SMARCAD1: variants seen among roughly 807,000 people sequenced by gnomAD.
SMARCAD1 encodes SWI/SNF-related matrix-associated actin-dependent regulator of chromatin subfamily A containing DEAD/H box 1.
SMARCAD1 carries 25 observed loss-of-function variants against 127.1 expected under a neutral mutation model. The observed-to-expected ratio is 0.20, with a 90% confidence interval of 0.14 to 0.27. SMARCAD1 has a LOEUF of 0.27. Ranked by LOEUF, SMARCAD1 falls within the 10% of genes least tolerant of loss-of-function variation. The pLI is 1.00. For missense variants in SMARCAD1, 807 were observed against 1,206.0 expected (o/e 0.67, Z 4.90); for synonymous variants, 400 against 396.9 (o/e 1.01, Z -0.09).
At position 94,279,067 on chromosome 4, in the gene SMARCAD1, A is replaced by C. The variant is rs372823947; in HGVS notation, c.2418+17A>C. Reference sequence around the variant, plus strand: ...ATGCTAAAGGTAAGGATTTCATATTATGTTAACACTAAGCTTTAATAAGAG... The same window carrying C: ...ATGCTAAAGGTAAGGATTTCATATTCTGTTAACACTAAGCTTTAATAAGAG... On this transcript the variant is annotated intron_variant, in intron 19 of 23. Coordinates refer to ENST00000354268, the MANE Select transcript of SMARCAD1 (RefSeq NM_020159.5). 2 of 1,613,920 alleles carry C rather than the reference A, an allele frequency of 1.2e-6. No homozygotes were observed. The highest frequency in any genetic ancestry group is 4.5e-5 in the East Asian group (2 of 44,844).
intron 20 of SMARCAD1, 70 bp downstream of exon 20, chr4:94,280,850 C>A: frequency 7.1e-7 from 1 of 1,412,292 alleles, no homozygotes; most frequent in Non-Finnish European, 1.0e-6. Flanking sequence ...AATTCTGGCA[C>A]ACTGACTTGC....
At chr4:94,240,095 G>A (rs564147166) in intron 5 of SMARCAD1, among the ~76,000 whole-genome samples, 1 of 152,066 alleles carries the variant, frequency 6.6e-6, no homozygotes, top group African/African-American at 2.4e-5. Context: ...GTATGTATTT[G>A]AGCTGCATAG....
intron 7 of SMARCAD1, among the ~76,000 whole-genome samples, chr4:94,250,010 A>G (rs1749044673): frequency 6.6e-6 from 1 of 151,712 alleles, no homozygotes; most frequent in Non-Finnish European, 1.5e-5. Context: ...GAACTCATTT[A>G]TAACATGTAA....
chr4:94,281,614 CA>C lies in SMARCAD1; in HGVS notation c.2726+31del, dbSNP rs749395989. ...AGGTTGGTATAATTCATGTTAGTTA[CA>C]AAAAAATAACTCATTTATTATTATT... On this transcript the variant is annotated intron_variant, in intron 21 of 23. Transcript: ENST00000354268. 3.1e-5 allele frequency: 42 copies of C among 1,350,316 alleles called. No individual in the cohort carries two copies. In the South Asian group the frequency reaches 3.3e-4, roughly 11 times the overall value. The allele number at this position is 1,350,316 out of a possible 1,614,324, so 83.6% of individuals were successfully genotyped here.
At position 94,281,441 on chromosome 4, in the gene SMARCAD1, C is replaced by G. The variant is rs1171986138; in HGVS notation, c.2608-31C>G. ...GCTTTGAGTAGTAAAACGATTTTTT[C>G]TATTTCTAATTCATGTATGTATTTT... is the stretch of plus-strand genomic sequence containing the variant. On this transcript the variant is annotated intron_variant, in intron 20 of 23. Coordinates refer to ENST00000354268, the MANE Select transcript of SMARCAD1 (RefSeq NM_020159.5). The G allele has an allele frequency of 2.7e-6, 4 of 1,457,082 alleles. No individual in the cohort carries two copies. In the African/African-American group the frequency reaches 5.6e-5, roughly 20 times the overall value. The allele number at this position is 1,457,082 out of a possible 1,614,324, so 90.3% of individuals were successfully genotyped here. A position where few individuals can be genotyped will look rare whatever the true frequency, so the allele number is the denominator to read the frequency against.
In SMARCAD1 at chr4:94,290,034, A is replaced by G. The variant is rs777220490; in HGVS notation, c.*500A>G. 2.2e-5 allele frequency: 10 copies of G among 454,312 alleles called. No homozygotes were observed. The highest frequency in any genetic ancestry group is 1.2e-4 in the African/African-American group (6 of 49,976). 28.1% of individuals were successfully genotyped at this position (454,312 alleles called of 1,614,324 possible). ...ATTATATAGCTTTCATTTTATTGCT[A>G]TTTGAAGCAGATGTTCACCAATGTC... is the stretch of plus-strand genomic sequence containing the variant. On this transcript the variant is annotated 3_prime_UTR_variant, in exon 24 of 24. Transcript: ENST00000354268.
rs753401867 is a variant in SMARCAD1 at position 94,285,723 on chromosome 4, T to TGA, written c.3019+654_3019+655insGA. ...ATTACTAGTCTTTCTTGCGTAGCATTTATTTCAGGGTGCTGTGGAAGCTTG... is the reference window on the plus strand; with the variant it reads ...ATTACTAGTCTTTCTTGCGTAGCATTGATATTTCAGGGTGCTGTGGAAGCTTG... On this transcript the variant is annotated intron_variant, in intron 23 of 23. Coordinates refer to ENST00000354268, the MANE Select transcript of SMARCAD1 (RefSeq NM_020159.5). 2.6e-5 allele frequency among the ~76,000 whole-genome samples: 4 copies of TGA among 152,296 alleles called. No individual in the cohort carries two copies. The South Asian group carries it at 6.2e-4, about 24-fold the overall frequency.
At chr4:94,229,945 T>C (rs1175870139) in intron 3 of SMARCAD1, among the ~76,000 whole-genome samples, 1 of 152,034 alleles carries the variant, frequency 6.6e-6, no homozygotes, top group Non-Finnish European at 1.5e-5. Context: ...TACTAATCTG[T>C]TCAGTCATCA....
At chr4:94,248,925 G>A (rs1186305100) in intron 6 of SMARCAD1, among the ~76,000 whole-genome samples, 1 of 152,166 alleles carries the variant, frequency 6.6e-6, no homozygotes, top group African/African-American at 2.4e-5. Flanking sequence ...TGTATAGCAT[G>A]TGGTGCAGTT....
chr4:94,251,035 A>G (rs936006340), intron 8 of SMARCAD1, among the ~76,000 whole-genome samples: 1 of 152,204 alleles, frequency 6.6e-6, no homozygotes, highest in African/African-American at 2.4e-5. Context: ...TCATAGTGTA[A>G]AACAAAACAA....
In SMARCAD1 at chr4:94,291,170, CTTT is replaced by C. The variant is rs1168712792; in HGVS notation, c.*1641_*1643del. 11 of 453,278 alleles carry C rather than the reference CTTT, an allele frequency of 2.4e-5. No homozygotes were observed. In the Admixed American group the frequency reaches 2.6e-4, roughly 11 times the overall value. The allele number at this position is 453,278 out of a possible 1,614,324, so 28.1% of individuals were successfully genotyped here. A position where few individuals can be genotyped will look rare whatever the true frequency, so the allele number is the denominator to read the frequency against. ...ATGTATTTTCAATGATAGGCTGTTTCTTTTTTTGTTGTTATTGTTGTTGTTGTT... is the reference window on the plus strand; with the variant it reads ...ATGTATTTTCAATGATAGGCTGTTTCTTTTGTTGTTATTGTTGTTGTTGTT... On this transcript the variant is annotated 3_prime_UTR_variant, in exon 24 of 24. Transcript: ENST00000354268.
chr4:94,248,347 A>G, intron 6 of SMARCAD1: 2 of 384,142 alleles, frequency 5.2e-6, no homozygotes, highest in South Asian at 3.8e-5. Flanking sequence ...ATATTAACAA[A>G]TGAACAACTG....
intron 2 of SMARCAD1, among the ~76,000 whole-genome samples, chr4:94,223,895 T>A (rs1744587152): frequency 6.6e-6 from 1 of 152,104 alleles, no homozygotes; most frequent in Non-Finnish European, 1.5e-5. Flanking sequence ...ATAGTCTTCC[T>A]GAAGTGTCAG....
rs200181471 is a variant in SMARCAD1 at position 94,252,757 on chromosome 4, G to A, written c.1031G>A (p.Arg344His). The A allele has an allele frequency of 5.5e-4, 878 of 1,609,030 alleles. No individual in the cohort carries two copies. The highest frequency in any genetic ancestry group is 6.7e-4 in the Non-Finnish European group (791 of 1,178,700). Residue 344 changes from arginine to histidine, a missense_variant, in exon 9 of 24, where the codon CGT (arginine) becomes CAT (histidine). Physicochemically the swap from Arg to His is conservative, Grantham distance 29. Transcript: ENST00000354268. ...GCACAAAATGGCTTTAACAAGAAAC[G>A]TAAAAAAAATGTTTTTAATCCAAAG... ...MKAQNGFNKK[R>H]KKNVFNPKRV...
intron 10 of SMARCAD1, among the ~76,000 whole-genome samples, chr4:94,268,711 T>A (rs918026290): frequency 6.6e-6 from 1 of 152,206 alleles, no homozygotes; most frequent in African/African-American, 2.4e-5. Context: ...TTGGGCAAGT[T>A]ACTTAACTTC....
At chr4:94,283,053 T>C (rs1305151532) in intron 21 of SMARCAD1, 68 bp from the exon 22 acceptor site, 19 of 1,325,518 alleles carry the variant, frequency 1.4e-5, no homozygotes, top group African/African-American at 1.3e-4. Context: ...GTGATAATGA[T>C]TGTTTTCCAT....
intron 5 of SMARCAD1, among the ~76,000 whole-genome samples, chr4:94,240,352 C>G (rs1188161010): frequency 6.6e-6 from 1 of 152,196 alleles, no homozygotes. Context: ...GTTATATTCT[C>G]TTGTTTTTAC....
At chr4:94,278,586 GATT>G (rs753395659) in intron 17 of SMARCAD1, 27 bp from the exon 18 acceptor site, 1 of 1,612,056 alleles carries the variant, frequency 6.2e-7, no homozygotes, top group Non-Finnish European at 8.5e-7. Context: ...TTACTAGAAT[GATT>G]ATCTTAAACT....
In SMARCAD1 at chr4:94,283,299, A is replaced by G. The variant is rs150777961; in HGVS notation, c.2905A>G (p.Thr969Ala). ...AEDRCHRVGQTKEVLVIKLIS... is the reference protein window; with the variant it reads ...AEDRCHRVGQAKEVLVIKLIS... The stretch of plus-strand genomic sequence containing the variant: ...AGATAGATGCCATAGAGTAGGCCAG[A>G]CTAAGTAAGTGTTTTTAGTTGGAAT... Residue 969 changes from threonine (T) to alanine (A), a missense_variant, in exon 22 of 24, where the codon ACT becomes GCT. Physicochemically the swap from Thr to Ala is moderately conservative, Grantham distance 58. Around this residue, in one of 8 missense-constraint regions of SMARCAD1, gnomAD observed 36 missense variants for 67.4 expected, o/e 0.53. Transcript: ENST00000354268. The G allele has an allele frequency of 5.8e-5, 93 of 1,612,518 alleles. No individual in the cohort carries two copies. Among genetic ancestry groups the G allele is most frequent in the Non-Finnish European group, 7.5e-5 (89 of 1,179,656 alleles).
Sources: allele counts gnomAD v4.1 joint callset (sites outside exome capture counted in the v4.1 genomes callset), GRCh38; gene constraint gnomAD v4.1.1; regional missense constraint gnomAD v4.1.1; transcripts MANE v1.5; gene names NCBI Gene and HGNC (gene_info 2026-07-23, HGNC 2026-07-21).